Variants in STAC observed in about 807,000 individuals in gnomAD.
STAC encodes the protein SH3 and cysteine-rich domain-containing protein.
A neutral mutation model predicts 48.8 loss-of-function variants in STAC; 43 were observed. That is an observed-to-expected ratio of 0.88 (90% CI 0.69 to 1.14). The LOEUF (loss-of-function observed/expected upper bound fraction) is 1.14, where lower values mean the gene tolerates loss of function less well. Ranked by LOEUF, STAC falls within the 50% of genes most tolerant of loss-of-function variation. The probability of loss-of-function intolerance (pLI) is 0.00; values close to 1 mark genes in which losing one functional copy is unlikely to be tolerated. For missense variants in STAC, 497 were observed against 504.0 expected, an observed-to-expected ratio of 0.99 and a Z score of 0.13; for synonymous variants, 193 against 179.5, an observed-to-expected ratio of 1.07 and a Z score of -0.60.
chr3:36,491,637 C>T lies in STAC; in HGVS notation c.688-1514C>T, dbSNP rs76799150. On this transcript the variant is annotated intron_variant, in intron 5 of 10. Transcript: ENST00000273183. Reference sequence around the variant, plus strand: ...AAAAATCAGTCTCTGGAGGGTGGTGCTAAAGGGCTCTAGAGCTGGCTAGGA... The same window carrying T: ...AAAAATCAGTCTCTGGAGGGTGGTGTTAAAGGGCTCTAGAGCTGGCTAGGA... 4.0e-3 allele frequency among the ~76,000 whole-genome samples: 611 copies of T among 151,990 alleles called. 2 individuals are homozygous for T. The highest frequency in any genetic ancestry group is 6.8e-3 in the Middle Eastern group (2 of 294).
At chr3:36,471,820 C>G (rs1357490502) in intron 2 of STAC, among the ~76,000 whole-genome samples, 1 of 152,204 alleles carries the variant, frequency 6.6e-6, no homozygotes, top group Non-Finnish European at 1.5e-5. Context: ...TCCCTCCCAG[C>G]TGCTTTCATA....
chr3:36,462,682 T>C (rs1697051129), intron 2 of STAC, among the ~76,000 whole-genome samples: 1 of 152,182 alleles, frequency 6.6e-6, no homozygotes, highest in African/African-American at 2.4e-5. Context: ...ATCAGCCTTG[T>C]CAAATGTTGT....
At chr3:36,437,310 T>C (rs1372906059) in intron 1 of STAC, among the ~76,000 whole-genome samples, 3 of 151,504 alleles carry the variant, frequency 2.0e-5, no homozygotes, top group African/African-American at 7.3e-5. Context: ...CATGCTGCTA[T>C]AAAGACACAT....
At chr3:36,502,321 G>T (rs1698300390) in intron 6 of STAC, among the ~76,000 whole-genome samples, 1 of 152,120 alleles carries the variant, frequency 6.6e-6, no homozygotes. Context: ...TATGTTTTCG[G>T]TAGTTACCTT....
intron 1 of STAC, among the ~76,000 whole-genome samples, chr3:36,407,505 C>T (rs1478689484): frequency 3.3e-4 from 50 of 152,224 alleles, no homozygotes; most frequent in Admixed American, 3.3e-3. Flanking sequence ...GCAGGTAGAG[C>T]CATGCTTTGG....
intron 1 of STAC, among the ~76,000 whole-genome samples, chr3:36,433,476 G>A (rs1158655545): frequency 1.3e-5 from 2 of 152,186 alleles, no homozygotes; most frequent in African/African-American, 2.4e-5. Context: ...AGATTTGAAA[G>A]AATGCCTCTG....
At chr3:36,409,628 G>C (rs1201030380) in intron 1 of STAC, 1 of 152,150 alleles carries the variant, frequency 6.6e-6, no homozygotes, top group Non-Finnish European at 1.5e-5. Flanking sequence ...TCTGCACAGT[G>C]ACACTGACTT....
chr3:36,514,714 T>C (rs1209385547), intron 8 of STAC, among the ~76,000 whole-genome samples: 1 of 152,088 alleles, frequency 6.6e-6, no homozygotes, highest in Non-Finnish European at 1.5e-5. Context: ...ATACACTTAG[T>C]GGGCAAATCA....
chr3:36,428,758 AGAGT>A (rs1016130100), intron 1 of STAC, among the ~76,000 whole-genome samples: 2 of 152,324 alleles, frequency 1.3e-5, no homozygotes. Flanking sequence ...GGACTGGTGC[AGAGT>A]GAGTGATGAA....
chr3:36,464,027 T>C (rs1380086827), intron 2 of STAC, among the ~76,000 whole-genome samples: 1 of 152,108 alleles, frequency 6.6e-6, no homozygotes, highest in Non-Finnish European at 1.5e-5. Context: ...CCTTTGGGTA[T>C]ATACCCAGTA....
At chr3:36,460,647 C>A (rs1696990762) in intron 2 of STAC, among the ~76,000 whole-genome samples, 1 of 148,426 alleles carries the variant, frequency 6.7e-6, no homozygotes, top group South Asian at 2.1e-4. Flanking sequence ...CACACATACA[C>A]AGAACAAAGA....
At chr3:36,511,284 T>A (rs1698531514) in intron 8 of STAC, among the ~76,000 whole-genome samples, 1 of 152,206 alleles carries the variant, frequency 6.6e-6, no homozygotes, top group African/African-American at 2.4e-5. Context: ...CCTTAAAGTA[T>A]TTGGTGAGAC....
chr3:36,522,966 A>G (rs1698841879), intron 8 of STAC, among the ~76,000 whole-genome samples: 1 of 152,188 alleles, frequency 6.6e-6, no homozygotes. Flanking sequence ...AGCTCATATC[A>G]TTCATACCCT....
chr3:36,483,849 G>T (rs984927894), intron 3 of STAC, among the ~76,000 whole-genome samples: 2 of 152,184 alleles, frequency 1.3e-5, no homozygotes, highest in African/African-American at 4.8e-5. Flanking sequence ...TACTCAGGAG[G>T]CTGAGATTAG....
intron 8 of STAC, among the ~76,000 whole-genome samples, chr3:36,525,323 C>T (rs1036360299): frequency 6.6e-6 from 1 of 152,194 alleles, no homozygotes; most frequent in Non-Finnish European, 1.5e-5. Context: ...ACCCTCATCA[C>T]ACTTCCAGAA....
At chr3:36,464,939 G>A (rs1038974934) in intron 2 of STAC, among the ~76,000 whole-genome samples, 11 of 151,904 alleles carry the variant, frequency 7.2e-5, no homozygotes, top group African/African-American at 1.9e-4. Flanking sequence ...GCATGTGCAC[G>A]TGTCTTTTTC....
At chr3:36,381,626 A>G (rs1365190934) in intron 1 of STAC, among the ~76,000 whole-genome samples, 2 of 152,226 alleles carry the variant, frequency 1.3e-5, no homozygotes, top group Non-Finnish European at 2.9e-5. Flanking sequence ...CAGTCCGTGT[A>G]TACCAGCAAA....
At chr3:36,478,852 G>A (rs1697564187) in intron 2 of STAC, among the ~76,000 whole-genome samples, 1 of 152,022 alleles carries the variant, frequency 6.6e-6, no homozygotes, top group Non-Finnish European at 1.5e-5. Context: ...CTAACTCCTG[G>A]CCTCAAACTC....
At chr3:36,487,112 G>A (rs1218073634) in intron 5 of STAC, among the ~76,000 whole-genome samples, 1 of 152,240 alleles carries the variant, frequency 6.6e-6, no homozygotes, top group Non-Finnish European at 1.5e-5. Flanking sequence ...TGTGGGAAGA[G>A]GGGCAGGGCA....
Sources: allele counts gnomAD v4.1 joint callset (sites outside exome capture counted in the v4.1 genomes callset), GRCh38; gene constraint gnomAD v4.1.1; transcripts MANE v1.5; gene names NCBI Gene and HGNC (gene_info 2026-07-23, HGNC 2026-07-21).